Variants in ARHGAP26 observed in about 807,000 individuals in gnomAD.
The protein encoded by ARHGAP26 is Rho GTPase activating protein 26, also known as rho GTPase-activating protein 26.
In ARHGAP26, 38 loss-of-function variants were observed where a neutral mutation model predicts 104.8. That is an observed-to-expected ratio of 0.36 (90% CI 0.28 to 0.48). The LOEUF (loss-of-function observed/expected upper bound fraction) is 0.48. Ranked by LOEUF, ARHGAP26 falls within the 20% of genes least tolerant of loss-of-function variation. The pLI, the probability that ARHGAP26 is intolerant of heterozygous loss-of-function variation, is 0.99. For synonymous variants in ARHGAP26, 341 were observed against 340.0 expected (o/e 1.00, Z -0.03); for missense variants, 704 against 947.9 (o/e 0.74, Z 3.38).
At chr5:142,807,363 A>G (rs1763178447) in intron 1 of ARHGAP26, among the ~76,000 whole-genome samples, 1 of 152,218 alleles carries the variant, frequency 6.6e-6, no homozygotes, top group African/African-American at 2.4e-5. Flanking sequence ...CCAGGGTTCA[A>G]ACCTAACCTG....
At chr5:143,000,862 C>T (rs977463741) in intron 11 of ARHGAP26, among the ~76,000 whole-genome samples, 3 of 152,090 alleles carry the variant, frequency 2.0e-5, no homozygotes, top group Non-Finnish European at 4.4e-5. Flanking sequence ...GAACATCACA[C>T]ACCAGGGCCT....
chr5:142,938,827 C>A (rs1765832231), intron 11 of ARHGAP26, among the ~76,000 whole-genome samples: 1 of 152,118 alleles, frequency 6.6e-6, no homozygotes, highest in South Asian at 2.1e-4. Flanking sequence ...ATGTATTAGT[C>A]CTCCTTCACA....
At chr5:142,844,854 C>CAAA (rs550211748) in intron 1 of ARHGAP26, among the ~76,000 whole-genome samples, 4 of 80,628 alleles carry the variant, frequency 5.0e-5, no homozygotes, top group African/African-American at 1.9e-4. Context: ...GACTGCGTCT[C>CAAA]AAAAAAAAAA....
intron 11 of ARHGAP26, among the ~76,000 whole-genome samples, chr5:143,005,053 A>G (rs144687412): frequency 1.6e-4 from 25 of 152,346 alleles, no homozygotes; most frequent in Admixed American, 6.5e-4. Flanking sequence ...AGAGTTCCCT[A>G]TAAAGCACAA....
chr5:142,957,364 G>A (rs991021795), intron 11 of ARHGAP26, among the ~76,000 whole-genome samples: 5 of 152,022 alleles, frequency 3.3e-5, no homozygotes, highest in Non-Finnish European at 5.9e-5. Context: ...TAAATCTTAC[G>A]TAAATATAAG....
At chr5:142,774,023 C>T (rs886376123) in intron 1 of ARHGAP26, among the ~76,000 whole-genome samples, 11 of 152,102 alleles carry the variant, frequency 7.2e-5, no homozygotes, top group Non-Finnish European at 1.2e-4. Context: ...AAAGGATGTT[C>T]GATGCCAACC....
intron 1 of ARHGAP26, among the ~76,000 whole-genome samples, chr5:142,857,040 C>G (rs1030997261): frequency 6.6e-6 from 1 of 152,124 alleles, no homozygotes; most frequent in African/African-American, 2.4e-5. Flanking sequence ...CCTGGCTTTC[C>G]TTGGTGTTCC....
intron 1 of ARHGAP26, among the ~76,000 whole-genome samples, chr5:142,806,144 A>C (rs1762946555): frequency 6.6e-6 from 1 of 152,232 alleles, no homozygotes; most frequent in Non-Finnish European, 1.5e-5. Context: ...CCCAGGCTGG[A>C]ATGCAAGGCA....
chr5:142,931,124 G>T (rs1224397461), intron 10 of ARHGAP26, among the ~76,000 whole-genome samples: 1 of 152,194 alleles, frequency 6.6e-6, no homozygotes, highest in African/African-American at 2.4e-5. Flanking sequence ...TTAACTTTTT[G>T]AGGGTTGCAG....
intron 1 of ARHGAP26, among the ~76,000 whole-genome samples, chr5:142,862,674 G>A (rs1753577205): frequency 1.3e-5 from 2 of 152,292 alleles, no homozygotes; most frequent in East Asian, 1.9e-4. Flanking sequence ...GAGAGGCAGA[G>A]CAGTCCTTCC....
rs116183241 is a variant in ARHGAP26, at chr5:142,772,672, A to G, written c.154+1757A>G. On this transcript the variant is annotated intron_variant, in intron 1 of 22. Transcript: ENST00000645722. ...GGGGGAAGCATTACCTCTGAGTCAC[A>G]CAGCTCTAGCAGCAGGACCAGAGCT... 989 of 501,592 alleles carry G rather than the reference A, an allele frequency of 2.0e-3. 8 individuals carry two copies. The highest frequency in any genetic ancestry group is 0.018 in the African/African-American group (915 of 50,724). The allele number at this position is 501,592 out of a possible 1,614,324, so 31.1% of individuals were successfully genotyped here.
chr5:142,963,709 C>T (rs879379037), intron 11 of ARHGAP26, among the ~76,000 whole-genome samples: 6 of 152,190 alleles, frequency 3.9e-5, no homozygotes, highest in Non-Finnish European at 7.3e-5. Context: ...AGCACTTTCC[C>T]TCTTCCCAAC....
rs551825846 is a variant in ARHGAP26, at chr5:142,916,859, A to G, written c.1028+3566A>G. On this transcript the variant is annotated intron_variant, in intron 10 of 22. Transcript: ENST00000645722. Reference sequence around the variant, plus strand: ...CATTTCCTATAAGCTGAACACTTTCATCCTTGTGTTGTGTCATCCTCACTA... The same window carrying G: ...CATTTCCTATAAGCTGAACACTTTCGTCCTTGTGTTGTGTCATCCTCACTA... 2.6e-5 allele frequency among the ~76,000 whole-genome samples: 4 copies of G among 152,250 alleles called. No homozygotes were observed. The South Asian group carries it at 6.2e-4, about 24-fold the overall frequency.
intron 20 of ARHGAP26, among the ~76,000 whole-genome samples, chr5:143,161,647 C>T (rs1461016389): frequency 2.0e-5 from 3 of 152,170 alleles, no homozygotes; most frequent in Non-Finnish European, 4.4e-5. Flanking sequence ...TTAAATCACC[C>T]ATATTTGTCA....
intron 17 of ARHGAP26, among the ~76,000 whole-genome samples, chr5:143,106,969 T>G: frequency 6.6e-6 from 1 of 152,200 alleles, no homozygotes; most frequent in East Asian, 1.9e-4. Flanking sequence ...CCTACCTAAG[T>G]TGGTCCTCTT....
chr5:142,805,228 A>G (rs958719444), intron 1 of ARHGAP26, among the ~76,000 whole-genome samples: 5 of 150,128 alleles, frequency 3.3e-5, no homozygotes, highest in African/African-American at 1.2e-4. Flanking sequence ...TCAGCCTCCC[A>G]AGTAGCTGGG....
intron 1 of ARHGAP26, among the ~76,000 whole-genome samples, chr5:142,849,923 A>G (rs1487800841): frequency 6.6e-6 from 1 of 151,374 alleles, no homozygotes; most frequent in Non-Finnish European, 1.5e-5. Context: ...TTAGTCCCCA[A>G]ACCCCACGGG....
intron 20 of ARHGAP26, among the ~76,000 whole-genome samples, chr5:143,195,577 A>G (rs1359793520): frequency 6.6e-6 from 1 of 152,180 alleles, no homozygotes; most frequent in Non-Finnish European, 1.5e-5. Context: ...CCCCAGGTAA[A>G]AGGAAGAGAC....
At chr5:142,894,119 A>G in intron 5 of ARHGAP26, 119 bp from the exon 6 acceptor site, 3 of 685,874 alleles carry the variant, frequency 4.4e-6, no homozygotes, top group Non-Finnish European at 7.7e-6. Flanking sequence ...CTTCTGTGTA[A>G]TGCTATTTGA....
Sources: allele counts gnomAD v4.1 joint callset (sites outside exome capture counted in the v4.1 genomes callset), GRCh38; gene constraint gnomAD v4.1.1; transcripts MANE v1.5; gene names NCBI Gene and HGNC (gene_info 2026-07-23, HGNC 2026-07-21).